ZNF705G: variants seen among roughly 807,000 people sequenced by gnomAD.
The protein encoded by ZNF705G is zinc finger protein 705G.
A neutral mutation model predicts 19.6 loss-of-function variants in ZNF705G; 23 were observed. The observed-to-expected ratio is 1.17, with a 90% CI of 0.84 to 1.66. ZNF705G has a LOEUF of 1.66. ZNF705G is among the 40% of genes most tolerant of loss of function. ZNF705G has a pLI of 0.00. For missense variants in ZNF705G, 457 were observed against 354.4 expected (o/e 1.29, Z -2.32); for synonymous variants, 146 against 117.7 (o/e 1.24, Z -1.56).
At chr8:7,359,266 G>A (rs1394506013) in intron 6 of ZNF705G, among the ~76,000 whole-genome samples, 2 of 149,616 alleles carry the variant, frequency 1.3e-5, no homozygotes, top group African/African-American at 2.6e-5. Flanking sequence ...GACTTGTCTT[G>A]TCATTTTTCT....
Position 7,359,761 on chromosome 8 carries a change from A to T in ZNF705G, c.236-60T>A, listed in dbSNP as rs962057480. ...ATTATGGTAATAAAATTGTTTGAAAAGCCCCAAAGCCCACGTACTTTTTTC... is the reference window on the plus strand; with the variant it reads ...ATTATGGTAATAAAATTGTTTGAAATGCCCCAAAGCCCACGTACTTTTTTC... On this transcript the variant is annotated intron_variant, in intron 5 of 6. Transcript: ENST00000400156. 2.5e-6 allele frequency: 4 copies of T among 1,602,494 alleles called. No homozygotes were observed. The African/African-American group carries it at 5.7e-5, about 23-fold the overall frequency.
intron 2 of ZNF705G, among the ~76,000 whole-genome samples, chr8:7,370,863 C>T (rs1403700764): frequency 4.5e-5 from 5 of 111,914 alleles, no homozygotes; most frequent in African/African-American, 4.0e-5. Flanking sequence ...TATGTAAACA[C>T]CATGGAATAC....
intron 3 of ZNF705G, among the ~76,000 whole-genome samples, chr8:7,362,409 G>C (rs536104438): frequency 9.4e-5 from 14 of 149,576 alleles, no homozygotes; most frequent in Admixed American, 6.6e-4. Context: ...CACAGCTCTT[G>C]TCCAAGTCCT....
chr8:7,383,013 A>C (rs1420321519), intron 1 of ZNF705G, among the ~76,000 whole-genome samples: 1 of 148,390 alleles, frequency 6.7e-6, no homozygotes, highest in Non-Finnish European at 1.5e-5. Flanking sequence ...GCTCCCACTT[A>C]TAAATGAGAG....
rs1248502304 is a variant in ZNF705G at position 7,376,873 on chromosome 8, T to TAG, written c.-72+4577_-72+4578dup. On this transcript the variant is annotated intron_variant, in intron 2 of 6. Transcript: ENST00000400156. ...GATACATCTATTATAATCTATCATA[T>TAG]AGAGAGAGTGTGTGTGTGTGTGTAG... 2.7e-3 allele frequency among the ~76,000 whole-genome samples: 350 copies of TAG among 131,792 alleles called. 5 individuals carry two copies. The highest frequency in any genetic ancestry group is 0.023 in the South Asian group (100 of 4,270). 86.5% of individuals were successfully genotyped at this position (131,792 alleles called of 152,430 possible).
At chr8:7,382,195 C>G (rs1319138088) in intron 1 of ZNF705G, among the ~76,000 whole-genome samples, 7 of 148,210 alleles carry the variant, frequency 4.7e-5, no homozygotes, top group Admixed American at 1.3e-4. Flanking sequence ...AGAAGAAGAA[C>G]AACAACAACG....
chr8:7,371,457 G>A (rs1324090063), intron 2 of ZNF705G, among the ~76,000 whole-genome samples: 5 of 107,878 alleles, frequency 4.6e-5, no homozygotes, highest in African/African-American at 1.8e-4. Context: ...GGTAGATTTT[G>A]TATTCTTACC....
At chr8:7,359,541 G>C in intron 6 of ZNF705G, 78 bp downstream of exon 6, 1 of 1,588,670 alleles carries the variant, frequency 6.3e-7, no homozygotes, top group Non-Finnish European at 8.5e-7. Context: ...ACACTCAGGT[G>C]ATTGTGCTTC....
Position 7,371,168 on chromosome 8 carries a change from T to C in ZNF705G, c.-71-8151A>G, listed in dbSNP as rs551133818. The stretch of plus-strand genomic sequence containing the variant: ...CGAAACCCTGTCATTTGTGACAACA[T>C]GGATGGACTTGGAGGGCATTAGGTT... On this transcript the variant is annotated intron_variant, in intron 2 of 6. Transcript: ENST00000400156. Among the ~76,000 whole-genome samples the C allele has an allele frequency of 6.1e-4, 84 of 137,104 alleles. 3 individuals are homozygous for C. The highest frequency in any genetic ancestry group is 4.8e-3 in the South Asian group (19 of 3,946). The allele number at this position is 137,104 out of a possible 152,430, so 89.9% of individuals were successfully genotyped here.
At position 7,367,738 on chromosome 8, in the gene ZNF705G, T is replaced by G. The variant is rs569714512; in HGVS notation, c.-71-4721A>C. ...TGTTCTAAAGCCTTTTTAAATAAACTTCCACTCCTGCTCTGAAACTTACCG... is the reference window on the plus strand; with the variant it reads ...TGTTCTAAAGCCTTTTTAAATAAACGTCCACTCCTGCTCTGAAACTTACCG... On this transcript the variant is annotated intron_variant, in intron 2 of 6. Coordinates refer to ENST00000400156, the MANE Select transcript of ZNF705G (RefSeq NM_001164457.3). 1.3e-4 allele frequency among the ~76,000 whole-genome samples: 19 copies of G among 149,772 alleles called. 1 individual carries two copies. The South Asian group carries it at 1.7e-3, about 13-fold the overall frequency.
intron 2 of ZNF705G, among the ~76,000 whole-genome samples, chr8:7,366,932 G>A (rs1448060702): frequency 2.7e-5 from 4 of 149,558 alleles, no homozygotes; most frequent in African/African-American, 1.0e-4. Context: ...CCACGACTTT[G>A]GCTATTACTA....
At position 7,374,801 on chromosome 8, in the gene ZNF705G, A is replaced by G. The variant is rs531186969; in HGVS notation, c.-72+6651T>C. The stretch of plus-strand genomic sequence containing the variant: ...TCCATCAGCTTATTTCCTCAACTTT[A>G]AGGTAGGTGACTAGACAAGACAGCC... On this transcript the variant is annotated intron_variant, in intron 2 of 6. Transcript: ENST00000400156. Among the ~76,000 whole-genome samples, 3 of 83,792 alleles carry G rather than the reference A, an allele frequency of 3.6e-5. 1 individual carries two copies. The South Asian group carries it at 1.3e-3, about 37-fold the overall frequency. 55.0% of individuals were successfully genotyped at this position (83,792 alleles called of 152,430 possible).
chr8:7,358,463 C>A lies in ZNF705G; in HGVS notation c.416G>T (p.Ser139Ile), dbSNP rs549978063. ...STITQCLLTH[S>I]GKKPYVSKQC... ...TTTGCTGACATAGGGTTTCTTTCCA[C>A]TATGAGTTAACAAACACTGAGTTAT... The change falls in exon 7 of 7, where the codon AGT becomes ATT. Residue 139 changes from serine to isoleucine, a missense_variant. Physicochemically the swap from Ser to Ile is moderately radical, Grantham distance 142. Coordinates refer to ENST00000400156, the MANE Select transcript of ZNF705G (RefSeq NM_001164457.3). 1 of 1,607,698 alleles carries A rather than the reference C, an allele frequency of 6.2e-7. No homozygotes were observed.
In ZNF705G at chr8:7,368,339, A is replaced by G. The variant is rs1228893636; in HGVS notation, c.-71-5322T>C. 2.7e-5 allele frequency among the ~76,000 whole-genome samples: 4 copies of G among 149,550 alleles called. 1 individual carries two copies. The highest frequency in any genetic ancestry group is 7.7e-5 in the African/African-American group (3 of 38,956). ...TCATAAGTACTTTTGAGTGTATTATATGTACTAGAAAGCATTCGCAGTCAA... is the reference window on the plus strand; with the variant it reads ...TCATAAGTACTTTTGAGTGTATTATGTGTACTAGAAAGCATTCGCAGTCAA... On this transcript the variant is annotated intron_variant, in intron 2 of 6. Coordinates refer to ENST00000400156, the MANE Select transcript of ZNF705G (RefSeq NM_001164457.3).
intron 2 of ZNF705G, among the ~76,000 whole-genome samples, chr8:7,380,407 T>G (rs1214854385): frequency 1.4e-5 from 2 of 147,592 alleles, no homozygotes; most frequent in Non-Finnish European, 2.9e-5. Context: ...CCACCCAGCC[T>G]GGTGGTGCCT....
At position 7,366,925 on chromosome 8, in the gene ZNF705G, C is replaced by A. The variant is rs1055933931; in HGVS notation, c.-71-3908G>T. On this transcript the variant is annotated intron_variant, in intron 2 of 6. Coordinates refer to ENST00000400156, the MANE Select transcript of ZNF705G (RefSeq NM_001164457.3). ...AGTTACAGAATTTCTAGATTGGCCA[C>A]GACTTTGGCTATTACTACTAAGGAT... is the stretch of plus-strand genomic sequence containing the variant. Among the ~76,000 whole-genome samples, 28 of 149,592 alleles carry A rather than the reference C, an allele frequency of 1.9e-4. 4 individuals carry two copies. Among genetic ancestry groups the A allele is most frequent in the African/African-American group, 6.9e-4 (27 of 38,994 alleles).
intron 2 of ZNF705G, among the ~76,000 whole-genome samples, chr8:7,367,609 A>T (rs1806916959): frequency 6.7e-6 from 1 of 149,664 alleles, no homozygotes; most frequent in African/African-American, 2.6e-5. Context: ...CACGGGAAAG[A>T]GGAAAACCCA....
chr8:7,359,486 C>T, intron 6 of ZNF705G, 133 bp downstream of exon 6: 5 of 1,423,392 alleles, frequency 3.5e-6, no homozygotes, highest in East Asian at 2.3e-5. Context: ...TCAAAGTATC[C>T]AATTTTTTTT....
rs71253679 is a variant in ZNF705G at position 7,365,375 on chromosome 8, ATT to A, written c.-71-2360_-71-2359del. ...TATCTCCCTCCAGATGTCTCTCTCT[ATT>A]TTTTTTTTTTTTTTTTTTTTGGCGG... On this transcript the variant is annotated intron_variant, in intron 2 of 6. Transcript: ENST00000400156. Among the ~76,000 whole-genome samples the A allele has an allele frequency of 2.5e-3, 283 of 111,986 alleles. 3 individuals are homozygous for A. Among genetic ancestry groups the A allele is most frequent in the African/African-American group, 7.4e-3 (181 of 24,360 alleles). 73.5% of individuals were successfully genotyped at this position (111,986 alleles called of 152,430 possible).
Sources: gnomAD v4.1 joint callset for allele counts (sites outside exome capture counted in the v4.1 genomes callset) on GRCh38, gnomAD v4.1.1 for gene constraint, MANE v1.5 for transcripts, NCBI Gene and HGNC (gene_info 2026-07-23, HGNC 2026-07-21) for gene names.